The following GORASP2 variants were observed in gnomAD, a reference collection of about 807,000 sequenced individuals.
GORASP2 encodes the protein Golgi reassembly-stacking protein 2.
In GORASP2, 22 loss-of-function variants were observed where a neutral mutation model predicts 45.7. The ratio of observed to expected loss-of-function variants is 0.48; its 90% confidence interval spans 0.34 to 0.69. The LOEUF (loss-of-function observed/expected upper bound fraction) is 0.69. Among genes scored for constraint, GORASP2 ranks in the 30% least tolerant of loss-of-function variants. The pLI is 0.01. For synonymous variants in GORASP2, 221 were observed against 215.6 expected, an observed-to-expected ratio of 1.02 and a Z score of -0.22; for missense variants, 491 against 562.7, an observed-to-expected ratio of 0.87 and a Z score of 1.29.
intron 1 of GORASP2, among the ~76,000 whole-genome samples, chr2:170,946,704 G>A (rs936470847): frequency 1.9e-4 from 28 of 150,676 alleles, no homozygotes; most frequent in Non-Finnish European, 3.7e-4. Flanking sequence ...GGCCGAGGCG[G>A]GCAGATCACT....
intron 7 of GORASP2, among the ~76,000 whole-genome samples, chr2:170,957,038 T>C (rs1234864707): frequency 3.9e-5 from 6 of 152,248 alleles, no homozygotes; most frequent in Non-Finnish European, 8.8e-5. Context: ...TTGTTCTAAA[T>C]CACCATGTGG....
At chr2:170,942,914 G>A (rs181324555) in intron 1 of GORASP2, among the ~76,000 whole-genome samples, 1 of 152,184 alleles carries the variant, frequency 6.6e-6, no homozygotes, top group South Asian at 2.1e-4. Flanking sequence ...ACAAGAAATA[G>A]TATCTTGCGG....
chr2:170,938,834 A>C (rs1258568039), intron 1 of GORASP2, among the ~76,000 whole-genome samples: 1 of 152,182 alleles, frequency 6.6e-6, no homozygotes, highest in African/African-American at 2.4e-5. Context: ...CTGCTAAAAA[A>C]TACAGAAACT....
intron 1 of GORASP2, among the ~76,000 whole-genome samples, chr2:170,935,920 T>C (rs192849986): frequency 1.2e-4 from 19 of 152,296 alleles, no homozygotes; most frequent in African/African-American, 4.6e-4. Context: ...TTTTAATGCC[T>C]GCGCTATCAT....
intron 1 of GORASP2, among the ~76,000 whole-genome samples, chr2:170,933,036 G>A (rs985199787): frequency 2.0e-5 from 3 of 151,932 alleles, no homozygotes; most frequent in Admixed American, 6.6e-5. Flanking sequence ...TTAGTGGATG[G>A]TGACTTTTTT....
chr2:170,960,838 G>A (rs1704540623), intron 7 of GORASP2, among the ~76,000 whole-genome samples: 1 of 152,200 alleles, frequency 6.6e-6, no homozygotes, highest in South Asian at 2.1e-4. Flanking sequence ...TGCCTGCATG[G>A]TTGGTTCATA....
chr2:170,951,708 A>G lies in GORASP2; in HGVS notation c.566+250A>G, dbSNP rs1018691912. On this transcript the variant is annotated intron_variant, in intron 5 of 9. Coordinates refer to ENST00000234160, the MANE Select transcript of GORASP2 (RefSeq NM_015530.5). ...CTAACAGCATTTCTTTTTAATTGAG[A>G]AATTATTGCGCATAAGCCATAATTA... 1.3e-5 allele frequency: 3 copies of G among 239,122 alleles called. No individual in the cohort carries two copies. In the Admixed American group the frequency reaches 1.6e-4, roughly 13 times the overall value. 14.8% of individuals were successfully genotyped at this position (239,122 alleles called of 1,614,324 possible).
At chr2:170,945,517 AAG>A (rs1704163988) in intron 1 of GORASP2, among the ~76,000 whole-genome samples, 2 of 127,854 alleles carry the variant, frequency 1.6e-5, no homozygotes, top group African/African-American at 3.2e-5. Context: ...AAAAAAAAAG[AAG>A]AAGAAGAAGA....
intron 1 of GORASP2, among the ~76,000 whole-genome samples, chr2:170,943,677 AT>A (rs1451427209): frequency 6.6e-6 from 1 of 152,048 alleles, no homozygotes; most frequent in Non-Finnish European, 1.5e-5. Context: ...AATCTTATTT[AT>A]TTATTTATTT....
chr2:170,937,876 A>G (rs1222299027), intron 1 of GORASP2, among the ~76,000 whole-genome samples: 1 of 152,176 alleles, frequency 6.6e-6, no homozygotes, highest in Admixed American at 6.5e-5. Context: ...ACATTGAGAA[A>G]CTATCATAGT....
At chr2:170,951,633 T>C in intron 5 of GORASP2, 175 bp downstream of exon 5, 1 of 514,984 alleles carries the variant, frequency 1.9e-6, no homozygotes, top group Non-Finnish European at 3.4e-6. Context: ...AGTACATATC[T>C]AGGGAACATA....
chr2:170,934,306 G>A (rs867689221), intron 1 of GORASP2, among the ~76,000 whole-genome samples: 10 of 148,156 alleles, frequency 6.7e-5, no homozygotes, highest in South Asian at 6.4e-4. Flanking sequence ...ATGGAGTTTC[G>A]CTTTTGTTGC....
chr2:170,966,200 C>A lies in GORASP2; in HGVS notation c.*70C>A. On this transcript the variant is annotated 3_prime_UTR_variant, in exon 10 of 10. Coordinates refer to ENST00000234160, the MANE Select transcript of GORASP2 (RefSeq NM_015530.5). ...GAGCGTGTCTGGAAACGCAAACTAT[C>A]ATTAATTTCATACTAGTTTGTACCG... 9.6e-7 allele frequency: 1 copy of A among 1,037,812 alleles called. No homozygotes were observed. The highest frequency in any genetic ancestry group is 1.5e-6 in the Non-Finnish European group (1 of 663,382). 64.3% of individuals were successfully genotyped at this position (1,037,812 alleles called of 1,614,324 possible).
chr2:170,957,915 T>C (rs1170458449), intron 7 of GORASP2, among the ~76,000 whole-genome samples: 1 of 152,196 alleles, frequency 6.6e-6, no homozygotes, highest in Admixed American at 6.5e-5. Flanking sequence ...TGCCTTGGCC[T>C]CCCAAATTGT....
chr2:170,952,494 A>G (rs1456685892), intron 5 of GORASP2, among the ~76,000 whole-genome samples: 2 of 151,968 alleles, frequency 1.3e-5, no homozygotes, highest in Non-Finnish European at 2.9e-5. Flanking sequence ...ATTTCTCTTA[A>G]TTTCATTCTT....
At chr2:170,943,462 A>G (rs1036015567) in intron 1 of GORASP2, among the ~76,000 whole-genome samples, 3 of 152,198 alleles carry the variant, frequency 2.0e-5, no homozygotes, top group Non-Finnish European at 4.4e-5. Context: ...TAGGCATTTC[A>G]TAAACTTAAC....
chr2:170,935,518 G>C (rs1439433987), intron 1 of GORASP2, among the ~76,000 whole-genome samples: 3 of 151,176 alleles, frequency 2.0e-5, no homozygotes, highest in African/African-American at 7.3e-5. Context: ...GCCTCCCAAA[G>C]TGTAGGGATT....
intron 1 of GORASP2, among the ~76,000 whole-genome samples, chr2:170,944,615 A>T (rs1464194362): frequency 6.6e-6 from 1 of 152,226 alleles, no homozygotes; most frequent in East Asian, 1.9e-4. Flanking sequence ...TTTAAACTTT[A>T]TACTCTAAAG....
intron 1 of GORASP2, chr2:170,929,826 C>T (rs1201450567): frequency 2.2e-6 from 1 of 463,256 alleles, no homozygotes; most frequent in African/African-American, 2.0e-5. Flanking sequence ...GGAGAGGGAT[C>T]CGGACCCGCA....
Sources: gnomAD v4.1 joint callset for allele counts (sites outside exome capture counted in the v4.1 genomes callset) on GRCh38, gnomAD v4.1.1 for gene constraint, MANE v1.5 for transcripts, NCBI Gene and HGNC (gene_info 2026-07-23, HGNC 2026-07-21) for gene names.